Variants in ACSL6 observed in about 807,000 individuals in gnomAD.
ACSL6 encodes acyl-CoA synthetase long chain family member 6.
In ACSL6, 47 loss-of-function variants were observed where a neutral mutation model predicts 98.2. That is an observed-to-expected ratio of 0.48 (90% CI 0.38 to 0.61). The LOEUF (loss-of-function observed/expected upper bound fraction) is 0.61. ACSL6 is among the 20% of genes least tolerant of loss of function. The pLI is 0.00. For missense variants in ACSL6, 761 were observed against 913.4 expected, an observed-to-expected ratio of 0.83 and a Z score of 2.15; for synonymous variants, 362 against 336.9, an observed-to-expected ratio of 1.07 and a Z score of -0.82.
At chr5:131,970,712 A>G (rs561087668) in intron 14 of ACSL6, among the ~76,000 whole-genome samples, 2 of 152,200 alleles carry the variant, frequency 1.3e-5, no homozygotes, top group Admixed American at 6.5e-5. Flanking sequence ...TTTTTATCAC[A>G]GACACTTAGT....
rs149401982 is a variant in ACSL6, at chr5:132,005,827, T to G, written c.49+5678A>C. 4.6e-5 allele frequency among the ~76,000 whole-genome samples: 7 copies of G among 152,192 alleles called. No homozygotes were observed. The South Asian group carries it at 1.5e-3, about 32-fold the overall frequency. ...CTGGTGGGCCAGGCTGTGCTGAGAG[T>G]GAGGCGGGGTCCCAGGCACTGGTCA... On this transcript the variant is annotated intron_variant, in intron 1 of 20. Transcript: ENST00000651883.
chr5:131,980,887 C>T (rs1354674976), intron 9 of ACSL6, among the ~76,000 whole-genome samples: 1 of 152,130 alleles, frequency 6.6e-6, no homozygotes, highest in Non-Finnish European at 1.5e-5. Flanking sequence ...CTTCCTGCTC[C>T]CTCCACAGCG....
In ACSL6 at chr5:131,953,048, T is replaced by A. The variant is rs1752232086; in HGVS notation, c.*1186A>T. The stretch of plus-strand genomic sequence containing the variant: ...AAGACTAGAAGACCCCAGCAAGGAA[T>A]GTAGGTACATTAATTGCTGCCTACC... On this transcript the variant is annotated 3_prime_UTR_variant, in exon 21 of 21. Transcript: ENST00000651883. 4.9e-6 allele frequency: 1 copy of A among 205,624 alleles called. No individual in the cohort carries two copies. Among genetic ancestry groups the A allele is most frequent in the South Asian group, 1.9e-4 (1 of 5,280 alleles). 12.7% of individuals were successfully genotyped at this position (205,624 alleles called of 1,614,324 possible).
In ACSL6 at chr5:132,011,502, T is replaced by C. The variant is rs377525390; in HGVS notation, c.49+3A>G. On this transcript the variant is annotated splice_donor_region_variant and intron_variant, in intron 1 of 20. Coordinates refer to ENST00000651883, the MANE Select transcript of ACSL6 (RefSeq NM_001009185.3). The surrounding 1 kb of genome is among the most constrained non-coding windows in gnomAD (Gnocchi z 5.4). ...CCGGGACGCGGACAGGACGGGCACT[T>C]ACCTACGAATAGCCAGAGGGAGCCC... 5 of 1,608,728 alleles carry C rather than the reference T, an allele frequency of 3.1e-6. No homozygotes were observed. Among genetic ancestry groups the C allele is most frequent in the Non-Finnish European group, 3.4e-6 (4 of 1,177,684 alleles).
At chr5:131,963,795 C>A (rs1313146038) in intron 17 of ACSL6, among the ~76,000 whole-genome samples, 1 of 152,178 alleles carries the variant, frequency 6.6e-6, no homozygotes, top group Non-Finnish European at 1.5e-5. Context: ...GAAAAATGAG[C>A]AGACTCTGTT....
chr5:132,011,405 G>A lies in ACSL6; in HGVS notation c.49+100C>T. On this transcript the variant is annotated intron_variant, in intron 1 of 20. Transcript: ENST00000651883. This position sits in a 1 kb window ranked among gnomAD's most constrained non-coding sequence, Gnocchi z 5.4. ...GGGACAGCTCAGCAGCAGGGGATGGGGGCTCGGCGGCCGCGGAGATGTAAC... is the reference window on the plus strand; with the variant it reads ...GGGACAGCTCAGCAGCAGGGGATGGAGGCTCGGCGGCCGCGGAGATGTAAC... 3.9e-6 allele frequency: 5 copies of A among 1,296,732 alleles called. No homozygotes were observed. In the South Asian group the frequency reaches 6.1e-5, roughly 16 times the overall value. 80.3% of individuals were successfully genotyped at this position (1,296,732 alleles called of 1,614,324 possible). A position where few individuals can be genotyped will look rare whatever the true frequency, so the allele number is the denominator to read the frequency against.
chr5:132,012,213 T>G (rs1021509894), upstream of ACSL6: 10 of 417,498 alleles, frequency 2.4e-5, no homozygotes, highest in African/African-American at 4.1e-5. Context: ...GGGGAGGGAG[T>G]GGCAAGTGTT....
At chr5:131,957,323 A>G (rs940899955) in intron 20 of ACSL6, among the ~76,000 whole-genome samples, 1 of 152,242 alleles carries the variant, frequency 6.6e-6, no homozygotes, top group African/African-American at 2.4e-5. Flanking sequence ...AAATTGAAAA[A>G]TCTATCAAGT....
At chr5:131,984,880 T>C in intron 9 of ACSL6, 1 of 190,576 alleles carries the variant, frequency 5.2e-6, no homozygotes, top group Non-Finnish European at 1.1e-5. Flanking sequence ...CACTGTCCCA[T>C]CTCCCACTTG....
chr5:131,985,175 G>A lies in ACSL6; in HGVS notation c.916+232C>T, dbSNP rs1381890072. 8.8e-6 allele frequency: 5 copies of A among 567,808 alleles called. No homozygotes were observed. The East Asian group carries it at 1.5e-4, about 17-fold the overall frequency. 35.2% of individuals were successfully genotyped at this position (567,808 alleles called of 1,614,324 possible). On this transcript the variant is annotated intron_variant, in intron 9 of 20. Transcript: ENST00000651883. The stretch of plus-strand genomic sequence containing the variant: ...CCATGACTCTGCTGACTCAGCTCTG[G>A]GAGGTGCCAAGCCCTCACACTGGAC...
chr5:131,975,231 C>G, intron 10 of ACSL6: 1 of 1,341,756 alleles, frequency 7.5e-7, no homozygotes, highest in South Asian at 1.6e-5. Flanking sequence ...TAGGTCGCAG[C>G]GTCAGTGGGT....
chr5:131,981,345 A>AC (rs1212656735), intron 9 of ACSL6, among the ~76,000 whole-genome samples: 1 of 150,110 alleles, frequency 6.7e-6, no homozygotes, highest in Non-Finnish European at 1.5e-5. Flanking sequence ...AAAAAAAAAA[A>AC]CACAACTTTC....
At chr5:131,984,124 G>A (rs924042065) in intron 9 of ACSL6, 1 of 152,240 alleles carries the variant, frequency 6.6e-6, no homozygotes, top group Non-Finnish European at 1.5e-5. Context: ...GGTTGGCTCT[G>A]GATGTCAGCT....
chr5:131,960,556 T>G lies in ACSL6; in HGVS notation c.1923A>C (p.Gly641=). Reference sequence around the variant, plus strand: ...AGAGATCTGCATATGTTCCTTCAATTCCTCTCTTCTGGGCCCAGGAGGGCA... The same window carrying G: ...AGAGATCTGCATATGTTCCTTCAATGCCTCTCTTCTGGGCCCAGGAGGGCA... ...EVMPSWAQKR[G]IEGTYADLCT... is the part of the protein sequence containing the mutation. Residue 641 remains glycine, a synonymous_variant, in exon 19 of 21, where the codon GGA becomes GGC. Transcript: ENST00000651883. 1 of 1,614,034 alleles carries G rather than the reference T, an allele frequency of 6.2e-7. No individual in the cohort carries two copies. Among genetic ancestry groups the G allele is most frequent in the East Asian group, 2.2e-5 (1 of 44,872 alleles).
At position 131,954,083 on chromosome 5, in the gene ACSL6, A is replaced by G; in HGVS notation, c.*151T>C. On this transcript the variant is annotated 3_prime_UTR_variant, in exon 21 of 21. Transcript: ENST00000651883. ...TATACTCATTGATGATAGAGAAAATATTGTTAAAGACCTCTTGGGACAGGA... is the reference window on the plus strand; with the variant it reads ...TATACTCATTGATGATAGAGAAAATGTTGTTAAAGACCTCTTGGGACAGGA... 1 of 619,586 alleles carries G rather than the reference A, an allele frequency of 1.6e-6. No homozygotes were observed. The highest frequency in any genetic ancestry group is 2.4e-6 in the Non-Finnish European group (1 of 413,920). 38.4% of individuals were successfully genotyped at this position (619,586 alleles called of 1,614,324 possible).
chr5:131,954,913 TGAAAAGGGAACTCTAAGTG>T (rs1752319319), intron 20 of ACSL6, among the ~76,000 whole-genome samples: 1 of 152,116 alleles, frequency 6.6e-6, no homozygotes, highest in African/African-American at 2.4e-5. Context: ...TGTCAGCGTG[TGAAAAGGGAACTCTAAGTG>T]GTTTCTTGTT....
intron 2 of ACSL6, chr5:131,993,418 GT>G (rs1754629065): frequency 2.6e-5 from 4 of 155,288 alleles, no homozygotes; most frequent in Admixed American, 1.9e-4. Flanking sequence ...CATTCCATTT[GT>G]TTGTTCTGGA....
At chr5:131,959,852 T>A (rs959222063) in intron 19 of ACSL6, 3 of 522,954 alleles carry the variant, frequency 5.7e-6, no homozygotes, top group African/African-American at 1.9e-5. Context: ...AATTTTTTTT[T>A]AAAGCAGGCT....
chr5:131,981,456 A>G (rs1753891970), intron 9 of ACSL6, among the ~76,000 whole-genome samples: 1 of 132,030 alleles, frequency 7.6e-6, no homozygotes, highest in Non-Finnish European at 1.5e-5. Flanking sequence ...ACCCAGATCA[A>G]GACATAGAAC....
Sources: gnomAD v4.1 joint callset for allele counts (sites outside exome capture counted in the v4.1 genomes callset) on GRCh38, gnomAD v4.1.1 for gene constraint, Gnocchi (gnomAD v3.1) non-coding constraint, MANE v1.5 for transcripts, NCBI Gene and HGNC (gene_info 2026-07-23, HGNC 2026-07-21) for gene names.